ZFP30: variants seen among roughly 807,000 people sequenced by gnomAD.
ZFP30 encodes the protein ZFP30 zinc finger protein, also known as zinc finger protein 30 homolog.
ZFP30 carries 16 observed loss-of-function variants against 12.3 expected under a neutral mutation model. The observed-to-expected ratio is 1.30, with a 90% confidence interval of 0.88 to 1.98. The LOEUF (loss-of-function observed/expected upper bound fraction) is 1.98. Among genes scored for constraint, ZFP30 ranks in the 30% most tolerant of loss-of-function variants. The probability of loss-of-function intolerance (pLI) is 0.00; values close to 1 mark genes in which losing one functional copy is unlikely to be tolerated. For synonymous variants in ZFP30, 172 were observed against 201.0 expected (o/e 0.86, Z 1.22); for missense variants, 560 against 611.2 (o/e 0.92, Z 0.88).
In ZFP30 at chr19:37,635,102, G is replaced by A. The variant is rs757095493; in HGVS notation, c.1439C>T (p.Ser480Leu). The A allele has an allele frequency of 6.2e-7, 1 of 1,613,588 alleles. No homozygotes were observed. The highest frequency in any genetic ancestry group is 8.5e-7 in the Non-Finnish European group (1 of 1,179,788). Reference protein sequence around the residue: ...ECGKAFRLHSSLIQHQRIHSG... With the variant: ...ECGKAFRLHSLLIQHQRIHSG... ...ATGAATTCTCTGATGTTGAATCAGT[G>A]ATGAATGAAGTCTAAAGGCCTTTCC... is the stretch of plus-strand genomic sequence containing the variant. The change falls in exon 6 of 6, where the codon TCA (serine) becomes TTA (leucine). Residue 480 changes from serine (S) to leucine (L), a missense_variant. By Grantham distance (145) the Ser-to-Leu change is moderately radical (BLOSUM62 -2). Coordinates refer to ENST00000684514, the MANE Select transcript of ZFP30 (RefSeq NM_001320669.3).
In ZFP30 at chr19:37,654,803, G is replaced by A. The variant is rs554515247; in HGVS notation, c.-169C>T. The A allele has an allele frequency of 1.3e-5, 2 of 152,388 alleles. No homozygotes were observed. Among genetic ancestry groups the A allele is most frequent in the East Asian group, 3.9e-4 (2 of 5,178 alleles). The allele number at this position is 152,388 out of a possible 1,614,324, so 9.4% of individuals were successfully genotyped here. On this transcript the variant is annotated 5_prime_UTR_variant, in exon 2 of 6. Transcript: ENST00000684514. ...TGGCAGGGCTGGGGAAGCAGGCAGA[G>A]TTCAGGACACCCCAGGCTTTTCTTG...
rs1294020926 is a variant in ZFP30 at position 37,633,883 on chromosome 19, G to A, written c.*1098C>T. 1 of 152,088 alleles carries A rather than the reference G, an allele frequency of 6.6e-6. No homozygotes were observed. Among genetic ancestry groups the A allele is most frequent in the East Asian group, 1.9e-4 (1 of 5,200 alleles). 9.4% of individuals were successfully genotyped at this position (152,088 alleles called of 1,614,324 possible). A position where few individuals can be genotyped will look rare whatever the true frequency, so the allele number is the denominator to read the frequency against. On this transcript the variant is annotated 3_prime_UTR_variant, in exon 6 of 6. Coordinates refer to ENST00000684514, the MANE Select transcript of ZFP30 (RefSeq NM_001320669.3). ...ACATTCCAGATATATCATCTCCTGT[G>A]TATAGACTTCAGAAATTATCTCTAA...
chr19:37,636,089 C>T lies in ZFP30; in HGVS notation c.452G>A (p.Ser151Asn). 1 of 1,614,158 alleles carries T rather than the reference C, an allele frequency of 6.2e-7. No homozygotes were observed. The highest frequency in any genetic ancestry group is 1.1e-5 in the South Asian group (1 of 91,088). ...TTCGTAGGGTTTCTCTCTGTTATGA[C>T]TTTTCTGATACAGAGGAAGAGATGT... ...KLTSLPLYQKSHNREKPYECG... is the reference protein window; with the variant it reads ...KLTSLPLYQKNHNREKPYECG... The change falls in exon 6 of 6, where the codon AGT (serine) becomes AAT (asparagine). Residue 151 changes from serine (S) to asparagine (N), a missense_variant. By Grantham distance (46) the Ser-to-Asn change is conservative. Coordinates refer to ENST00000684514, the MANE Select transcript of ZFP30 (RefSeq NM_001320669.3).
In ZFP30 at chr19:37,635,686, A is replaced by G. The variant is rs1398226306; in HGVS notation, c.855T>C (p.Leu285=). 1 of 1,614,104 alleles carries G rather than the reference A, an allele frequency of 6.2e-7. No homozygotes were observed. The highest frequency in any genetic ancestry group is 1.3e-5 in the African/African-American group (1 of 75,024). Residue 285 remains leucine, a synonymous_variant, in exon 6 of 6, where the codon CTT becomes CTC. Transcript: ENST00000684514. Reference sequence around the variant, plus strand: ...CAATGTTCAGTCTCTGATGTCGAGTAAGGTGTGCATACTGCCTAAAGGCCT... The same window carrying G: ...CAATGTTCAGTCTCTGATGTCGAGTGAGGTGTGCATACTGCCTAAAGGCCT... ...CGKAFRQYAH[L]TRHQRLNIAE... is the part of the protein sequence containing the mutation.
At chr19:37,638,443 T>C (rs1426120702) in intron 5 of ZFP30, among the ~76,000 whole-genome samples, 3 of 152,220 alleles carry the variant, frequency 2.0e-5, no homozygotes, top group Admixed American at 6.5e-5. Context: ...CAAATGCACC[T>C]GTTCTCAAAA....
chr19:37,649,569 C>T (rs1047054077), intron 2 of ZFP30, among the ~76,000 whole-genome samples: 2 of 152,158 alleles, frequency 1.3e-5, no homozygotes, highest in Admixed American at 1.3e-4. Context: ...GTGGCTCACA[C>T]CTGTAATCCC....
At chr19:37,642,891 A>G (rs967194746) in intron 5 of ZFP30, among the ~76,000 whole-genome samples, 1 of 151,958 alleles carries the variant, frequency 6.6e-6, no homozygotes. Context: ...TCTCTACTAA[A>G]AATTCAAAAA....
At chr19:37,645,136 C>T (rs1200320213) in intron 3 of ZFP30, among the ~76,000 whole-genome samples, 2 of 151,396 alleles carry the variant, frequency 1.3e-5, no homozygotes, top group Non-Finnish European at 2.9e-5. Context: ...ACCTGGAAGA[C>T]GGAGCTTGCA....
Position 37,632,367 on chromosome 19 carries a change from C to A in ZFP30, c.*2614G>T, listed in dbSNP as rs993514110. The A allele has an allele frequency of 6.6e-6, 1 of 151,930 alleles. No homozygotes were observed. The highest frequency in any genetic ancestry group is 1.9e-4 in the East Asian group (1 of 5,186). The allele number at this position is 151,930 out of a possible 1,614,324, so 9.4% of individuals were successfully genotyped here. ...TATAGCAACTTATAACTTTAAAAAT[C>A]CATAGCTGTCACTTTTATCATTCAT... On this transcript the variant is annotated 3_prime_UTR_variant, in exon 6 of 6. Transcript: ENST00000684514.
At chr19:37,646,905 C>T (rs1031191287) in intron 3 of ZFP30, among the ~76,000 whole-genome samples, 1 of 152,092 alleles carries the variant, frequency 6.6e-6, no homozygotes, top group African/African-American at 2.4e-5. Context: ...CTGTCAGGGC[C>T]TGACCATGAC....
chr19:37,647,276 G>C (rs549786024), intron 3 of ZFP30, among the ~76,000 whole-genome samples: 6 of 152,298 alleles, frequency 3.9e-5, no homozygotes, highest in African/African-American at 1.2e-4. Flanking sequence ...GGTACAATTT[G>C]GCTGTGTCCC....
At chr19:37,643,421 A>C in intron 4 of ZFP30, 58 bp from the exon 5 acceptor site, 5 of 1,272,418 alleles carry the variant, frequency 3.9e-6, no homozygotes. Context: ...AAAACAAAGA[A>C]GACTATCAGG....
At chr19:37,647,952 A>C in intron 2 of ZFP30, 53 bp from the exon 3 acceptor site, 2 of 1,085,238 alleles carry the variant, frequency 1.8e-6, no homozygotes, top group East Asian at 4.9e-5. Context: ...AGAGTTTCCA[A>C]ATTTTAAAAA....
At chr19:37,646,311 ATTATAT>A (rs770527524) in intron 3 of ZFP30, among the ~76,000 whole-genome samples, 12 of 152,190 alleles carry the variant, frequency 7.9e-5, no homozygotes, top group Non-Finnish European at 1.5e-4. Context: ...CTTAATAGTG[ATTATAT>A]TTAGATATAG....
intron 5 of ZFP30, among the ~76,000 whole-genome samples, chr19:37,641,753 G>C (rs2044440152): frequency 6.6e-6 from 1 of 152,182 alleles, no homozygotes; most frequent in Non-Finnish European, 1.5e-5. Flanking sequence ...AACCTAAAAA[G>C]AATAACTCAT....
In ZFP30 at chr19:37,633,554, A is replaced by AT. The variant is rs1273738958; in HGVS notation, c.*1426dup. On this transcript the variant is annotated 3_prime_UTR_variant, in exon 6 of 6. Coordinates refer to ENST00000684514, the MANE Select transcript of ZFP30 (RefSeq NM_001320669.3). ...TTTTTAGTGGAGATGAGGTTTCACC[A>AT]TGATGGTCAGGCTGGTCTCGAACTC... is the stretch of plus-strand genomic sequence containing the variant. 3 of 152,098 alleles carry AT rather than the reference A, an allele frequency of 2.0e-5. No individual in the cohort carries two copies. Among genetic ancestry groups the AT allele is most frequent in the African/African-American group, 7.2e-5 (3 of 41,398 alleles). 9.4% of individuals were successfully genotyped at this position (152,098 alleles called of 1,614,324 possible).
At chr19:37,640,809 G>T (rs992770629) in intron 5 of ZFP30, among the ~76,000 whole-genome samples, 1 of 151,932 alleles carries the variant, frequency 6.6e-6, no homozygotes, top group Admixed American at 6.6e-5. Flanking sequence ...ATCCCCGGAG[G>T]TATGCTATTT....
intron 2 of ZFP30, among the ~76,000 whole-genome samples, chr19:37,652,884 G>A (rs1473980256): frequency 2.0e-5 from 3 of 152,022 alleles, no homozygotes; most frequent in Non-Finnish European, 4.4e-5. Flanking sequence ...TTGGGAGGCC[G>A]AGGCAGGTGG....
intron 5 of ZFP30, among the ~76,000 whole-genome samples, chr19:37,639,865 A>C (rs1357073985): frequency 6.6e-6 from 1 of 152,080 alleles, no homozygotes; most frequent in Non-Finnish European, 1.5e-5. Context: ...TCCCTACTTA[A>C]GTGACAAGCC....
Sources: gnomAD v4.1 joint callset for allele counts (sites outside exome capture counted in the v4.1 genomes callset) on GRCh38, gnomAD v4.1.1 for gene constraint, MANE v1.5 for transcripts, NCBI Gene and HGNC (gene_info 2026-07-23, HGNC 2026-07-21) for gene names.